The following ACMSD variants were observed in gnomAD, a reference collection of about 807,000 sequenced individuals.
ACMSD encodes aminocarboxymuconate semialdehyde decarboxylase, also known as 2-amino-3-carboxymuconate-6-semialdehyde decarboxylase.
ACMSD carries 37 observed loss-of-function variants against 45.9 expected under a neutral mutation model. The ratio of observed to expected loss-of-function variants is 0.81; its 90% confidence interval spans 0.62 to 1.06. The LOEUF (loss-of-function observed/expected upper bound fraction) is 1.06. ACMSD is among the 50% of genes least tolerant of loss of function. ACMSD has a pLI of 0.00. For synonymous variants in ACMSD, 138 were observed against 148.8 expected, an observed-to-expected ratio of 0.93 and a Z score of 0.53; for missense variants, 434 against 420.9, an observed-to-expected ratio of 1.03 and a Z score of -0.27.
In ACMSD at chr2:134,838,623, T is replaced by C; in HGVS notation, c.-60T>C. ...AGTAAATCAATTAACTCCACAGTTTTCACAAAGGTCTCTTGATATCAAAAC... is the reference window on the plus strand; with the variant it reads ...AGTAAATCAATTAACTCCACAGTTTCCACAAAGGTCTCTTGATATCAAAAC... On this transcript the variant is annotated 5_prime_UTR_variant, in exon 1 of 10. Transcript: ENST00000356140. The C allele has an allele frequency of 6.8e-7, 1 of 1,464,462 alleles. No homozygotes were observed. The highest frequency in any genetic ancestry group is 1.2e-5 in the South Asian group (1 of 83,774). 90.7% of individuals were successfully genotyped at this position (1,464,462 alleles called of 1,614,324 possible).
chr2:134,888,751 T>C (rs1212363526), intron 8 of ACMSD, among the ~76,000 whole-genome samples: 1 of 151,954 alleles, frequency 6.6e-6, no homozygotes, highest in Non-Finnish European at 1.5e-5. Flanking sequence ...AGAGAGTGTA[T>C]ACTGTATGAC....
rs746694024 is a variant in ACMSD at position 134,871,052 on chromosome 2, C to T, written c.668C>T (p.Ala223Val). 1 of 1,613,866 alleles carries T rather than the reference C, an allele frequency of 6.2e-7. No individual in the cohort carries two copies. Among genetic ancestry groups the T allele is most frequent in the South Asian group, 1.1e-5 (1 of 91,028 alleles). ...EKFPKLKVCF[A>V]HGGGAFPFTV... ...TTTCCCAAACTGAAAGTGTGTTTCG[C>T]ACATGGTGGTAAGACCCTATCTTTA... is the stretch of plus-strand genomic sequence containing the variant. Residue 223 changes from alanine (A) to valine (V), a missense_variant, in exon 7 of 10, where the codon GCA becomes GTA. By Grantham distance (64) the Ala-to-Val change is moderately conservative. Transcript: ENST00000356140.
At chr2:134,893,208 C>G (rs1689897772) in intron 8 of ACMSD, among the ~76,000 whole-genome samples, 1 of 120,246 alleles carries the variant, frequency 8.3e-6, no homozygotes, top group Non-Finnish European at 1.6e-5. Flanking sequence ...TATCACACTG[C>G]ATTTTTTTTT....
chr2:134,899,185 T>C (rs1478988445), intron 9 of ACMSD, among the ~76,000 whole-genome samples: 1 of 152,200 alleles, frequency 6.6e-6, no homozygotes, highest in African/African-American at 2.4e-5. Context: ...ATTCTTGGCT[T>C]TCTTCTAAAC....
chr2:134,880,080 C>T (rs1216977225), intron 8 of ACMSD, among the ~76,000 whole-genome samples: 3 of 152,196 alleles, frequency 2.0e-5, no homozygotes, highest in Admixed American at 6.5e-5. Context: ...ATTCATCCTT[C>T]GCAATGACCT....
At chr2:134,841,594 C>T (rs1421742467) in intron 1 of ACMSD, among the ~76,000 whole-genome samples, 1 of 152,110 alleles carries the variant, frequency 6.6e-6, no homozygotes, top group Non-Finnish European at 1.5e-5. Flanking sequence ...GACCCACACT[C>T]TCTGCTGTCA....
chr2:134,880,322 G>C (rs537613411), intron 8 of ACMSD, among the ~76,000 whole-genome samples: 3 of 152,102 alleles, frequency 2.0e-5, no homozygotes, highest in African/African-American at 7.2e-5. Flanking sequence ...ACTTGATATA[G>C]GTCTATTTTC....
intron 2 of ACMSD, among the ~76,000 whole-genome samples, chr2:134,846,671 T>C (rs1184394178): frequency 6.6e-6 from 1 of 152,148 alleles, no homozygotes; most frequent in African/African-American, 2.4e-5. Flanking sequence ...CCTCCCAAAG[T>C]AGCACATTCA....
At chr2:134,840,884 C>A (rs1686776575) in intron 1 of ACMSD, among the ~76,000 whole-genome samples, 1 of 152,116 alleles carries the variant, frequency 6.6e-6, no homozygotes, top group Non-Finnish European at 1.5e-5. Context: ...ATACACTGCA[C>A]CCAATTTTAG....
chr2:134,853,117 C>T (rs1439008048), intron 2 of ACMSD, among the ~76,000 whole-genome samples: 1 of 147,568 alleles, frequency 6.8e-6, no homozygotes, highest in Admixed American at 6.9e-5. Flanking sequence ...GAGCCGAGAT[C>T]GCACCACTAC....
intron 1 of ACMSD, among the ~76,000 whole-genome samples, chr2:134,844,200 G>A (rs1026660368): frequency 6.6e-6 from 1 of 152,176 alleles, no homozygotes; most frequent in African/African-American, 2.4e-5. Context: ...TTTTATGCAT[G>A]ATCCCCAGGC....
Position 134,859,632 on chromosome 2 carries a change from G to A in ACMSD, c.199+275G>A, listed in dbSNP as rs1687754260. The A allele has an allele frequency of 1.0e-5, 3 of 288,050 alleles. No homozygotes were observed. In the East Asian group the frequency reaches 1.8e-4, roughly 17 times the overall value. 17.8% of individuals were successfully genotyped at this position (288,050 alleles called of 1,614,324 possible). ...GGCATTTTATTATTTTTAAAAATTA[G>A]TTCAAATGTATAGTATTTACTTATT... On this transcript the variant is annotated intron_variant, in intron 3 of 9. Transcript: ENST00000356140.
chr2:134,895,167 GTGGTGGCATGCACC>G (rs1048175688), intron 8 of ACMSD, among the ~76,000 whole-genome samples: 14 of 151,702 alleles, frequency 9.2e-5, no homozygotes, highest in African/African-American at 3.4e-4. Flanking sequence ...TTAGCCGAGT[GTGGTGGCATGCACC>G]TGTAATCCCA....
chr2:134,899,199 A>G (rs1221003744), intron 9 of ACMSD, among the ~76,000 whole-genome samples: 1 of 152,166 alleles, frequency 6.6e-6, no homozygotes, highest in Non-Finnish European at 1.5e-5. Context: ...TCTAAACTAG[A>G]ATCCAAAAGT....
At chr2:134,845,509 G>GTCTCTCCC (rs1687009557) in intron 2 of ACMSD, among the ~76,000 whole-genome samples, 1 of 94,398 alleles carries the variant, frequency 1.1e-5, no homozygotes, top group Non-Finnish European at 2.0e-5. Flanking sequence ...ACATTAAAAG[G>GTCTCTCCC]TCTCTCTCTC....
chr2:134,899,586 A>G (rs926554584), intron 9 of ACMSD, among the ~76,000 whole-genome samples: 10 of 152,266 alleles, frequency 6.6e-5, no homozygotes, highest in African/African-American at 2.4e-4. Context: ...TAATGGAATA[A>G]TAGTAATTAT....
At chr2:134,897,393 G>C (rs1690217911) in intron 8 of ACMSD, among the ~76,000 whole-genome samples, 1 of 152,074 alleles carries the variant, frequency 6.6e-6, no homozygotes, top group South Asian at 2.1e-4. Flanking sequence ...GTAACTTGGA[G>C]ATTATTCCAT....
At chr2:134,897,665 G>A (rs1009630780) in intron 8 of ACMSD, among the ~76,000 whole-genome samples, 1 of 152,084 alleles carries the variant, frequency 6.6e-6, no homozygotes, top group East Asian at 1.9e-4. Context: ...AACCATGTCT[G>A]TTTTGTTGAC....
At chr2:134,860,225 C>T (rs902768039) in intron 3 of ACMSD, among the ~76,000 whole-genome samples, 13 of 152,146 alleles carry the variant, frequency 8.5e-5, no homozygotes, top group East Asian at 5.8e-4. Flanking sequence ...ATTGCACCAC[C>T]GCACTCCAGC....
Sources: allele counts gnomAD v4.1 joint callset (sites outside exome capture counted in the v4.1 genomes callset), GRCh38; gene constraint gnomAD v4.1.1; transcripts MANE v1.5; gene names NCBI Gene and HGNC (gene_info 2026-07-23, HGNC 2026-07-21).